The following CLVS2 variants were observed in gnomAD, a reference collection of about 807,000 sequenced individuals.
CLVS2 encodes the protein clavesin-2.
CLVS2 carries 19 observed loss-of-function variants against 29.0 expected under a neutral mutation model. The ratio of observed to expected loss-of-function variants is 0.66; its 90% CI spans 0.46 to 0.96. The LOEUF (loss-of-function observed/expected upper bound fraction) is 0.96. CLVS2 is among the 40% of genes least tolerant of loss of function. The pLI is 0.00. For synonymous variants in CLVS2, 161 were observed against 151.3 expected (o/e 1.06, Z -0.47); for missense variants, 294 against 404.1 (o/e 0.73, Z 2.34).
chr6:122,999,184 C>T (rs1232152303), intron 2 of CLVS2, among the ~76,000 whole-genome samples: 2 of 152,174 alleles, frequency 1.3e-5, no homozygotes, highest in African/African-American at 2.4e-5. Flanking sequence ...TGAATGGTGA[C>T]TTTCAATGCA....
Position 123,056,665 on chromosome 6 carries a change from G to A in CLVS2, c.896+639G>A, listed in dbSNP as rs184146933. Among the ~76,000 whole-genome samples, 396 of 152,212 alleles carry A rather than the reference G, an allele frequency of 2.6e-3. 1 individual carries two copies. Among genetic ancestry groups the A allele is most frequent in the African/African-American group, 8.7e-3 (363 of 41,510 alleles). ...CCTGAGAAACCAAAGGTTTTGAGGG[G>A]GTGCCTTAGGCCAAGTAGGTGGAGT... On this transcript the variant is annotated intron_variant, in intron 5 of 5. Coordinates refer to ENST00000275162, the MANE Select transcript of CLVS2 (RefSeq NM_001010852.4).
chr6:123,055,286 A>G (rs1384457993), intron 4 of CLVS2, among the ~76,000 whole-genome samples: 1 of 147,376 alleles, frequency 6.8e-6, no homozygotes, highest in Non-Finnish European at 1.5e-5. Context: ...ACTTTGCATT[A>G]TAAAACAGTA....
At chr6:123,052,140 G>T (rs1772619561) in intron 4 of CLVS2, among the ~76,000 whole-genome samples, 1 of 152,186 alleles carries the variant, frequency 6.6e-6, no homozygotes, top group South Asian at 2.1e-4. Context: ...TGATATATTA[G>T]AAGTTGGGAG....
chr6:122,998,209 A>G, intron 2 of CLVS2, 43 bp downstream of exon 2: 1 of 1,561,462 alleles, frequency 6.4e-7, no homozygotes, highest in Non-Finnish European at 8.6e-7. Flanking sequence ...TTACTCTCCC[A>G]TTTTCCAGAA....
In CLVS2 at chr6:123,064,068, G is replaced by C; in HGVS notation, c.*307G>C. 1 of 239,096 alleles carries C rather than the reference G, an allele frequency of 4.2e-6. No individual in the cohort carries two copies. Among genetic ancestry groups the C allele is most frequent in the African/African-American group, 2.3e-5 (1 of 44,056 alleles). 14.8% of individuals were successfully genotyped at this position (239,096 alleles called of 1,614,324 possible). On this transcript the variant is annotated 3_prime_UTR_variant, in exon 6 of 6. Coordinates refer to ENST00000275162, the MANE Select transcript of CLVS2 (RefSeq NM_001010852.4). The stretch of plus-strand genomic sequence containing the variant: ...AAGGTTGGCTCAAAAGTCCATGCCA[G>C]TGTTATGAACTATAACAAAAAGCAG...
chr6:123,006,955 GAAAAGTGGAAGGAAA>G (rs1774678029), intron 2 of CLVS2, among the ~76,000 whole-genome samples: 1 of 152,120 alleles, frequency 6.6e-6, no homozygotes, highest in Non-Finnish European at 1.5e-5. Flanking sequence ...AGACTGACCA[GAAAAGTGGAAGGAAA>G]AAAAGTTCAA....
At chr6:123,030,913 A>T (rs568927708) in intron 3 of CLVS2, among the ~76,000 whole-genome samples, 9 of 150,594 alleles carry the variant, frequency 6.0e-5, no homozygotes, top group African/African-American at 2.2e-4. Context: ...ATTCTCAAAT[A>T]TGTATCTCAT....
intron 4 of CLVS2, among the ~76,000 whole-genome samples, chr6:123,050,182 T>A (rs1359474577): frequency 1.3e-5 from 2 of 152,192 alleles, no homozygotes; most frequent in Non-Finnish European, 2.9e-5. Flanking sequence ...AAGTATTAAA[T>A]TAATTCATAT....
intron 3 of CLVS2, among the ~76,000 whole-genome samples, chr6:123,031,794 C>T (rs1376325826): frequency 6.6e-6 from 1 of 150,910 alleles, no homozygotes; most frequent in African/African-American, 2.4e-5. Context: ...ACCAGTAGTA[C>T]CTTTTTTTTT....
intron 3 of CLVS2, among the ~76,000 whole-genome samples, chr6:123,031,995 T>A (rs988956945): frequency 6.6e-6 from 1 of 152,122 alleles, no homozygotes; most frequent in Non-Finnish European, 1.5e-5. Context: ...TAACACTTTT[T>A]TGGGCAATTA....
intron 3 of CLVS2, among the ~76,000 whole-genome samples, chr6:123,015,022 A>G (rs1774805253): frequency 1.2e-5 from 1 of 82,420 alleles, no homozygotes; most frequent in Non-Finnish European, 2.3e-5. Context: ...CTTGGCTTTG[A>G]AAGTTGAGTG....
intron 2 of CLVS2, among the ~76,000 whole-genome samples, chr6:123,009,058 A>G (rs1193585365): frequency 6.6e-6 from 1 of 152,068 alleles, no homozygotes. Context: ...CATTCTAACA[A>G]AAAGTATGCT....
intron 3 of CLVS2, among the ~76,000 whole-genome samples, chr6:123,021,054 G>GC (rs200694993): frequency 6.6e-6 from 1 of 150,474 alleles, no homozygotes; most frequent in Non-Finnish European, 1.5e-5. Context: ...AAGAGTATGG[G>GC]GGGGGTAAAA....
chr6:123,022,939 A>G (rs1774945156), intron 3 of CLVS2, among the ~76,000 whole-genome samples: 1 of 152,086 alleles, frequency 6.6e-6, no homozygotes, highest in Non-Finnish European at 1.5e-5. Flanking sequence ...TGGTGTCTTA[A>G]CATAAGGTGG....
At chr6:123,029,737 A>C (rs984215218) in intron 3 of CLVS2, among the ~76,000 whole-genome samples, 1 of 152,208 alleles carries the variant, frequency 6.6e-6, no homozygotes, top group African/African-American at 2.4e-5. Flanking sequence ...TAAATCTAGC[A>C]TCCCTATGAT....
chr6:123,047,359 A>C (rs910080497), intron 3 of CLVS2, among the ~76,000 whole-genome samples: 3 of 152,098 alleles, frequency 2.0e-5, no homozygotes, highest in Non-Finnish European at 4.4e-5. Flanking sequence ...ATATTTACAA[A>C]AGAAGTAAGA....
At chr6:123,004,769 C>T (rs1774639646) in intron 2 of CLVS2, among the ~76,000 whole-genome samples, 1 of 151,984 alleles carries the variant, frequency 6.6e-6, no homozygotes, top group Non-Finnish European at 1.5e-5. Flanking sequence ...AAAAATTAGC[C>T]AGGCCTGGTG....
At chr6:123,016,790 A>G (rs1022772675) in intron 3 of CLVS2, among the ~76,000 whole-genome samples, 1 of 152,066 alleles carries the variant, frequency 6.6e-6, no homozygotes, top group Admixed American at 6.6e-5. Flanking sequence ...TGGTCCTTTC[A>G]TTTGACTCAA....
At chr6:123,001,178 G>A (rs1416101405) in intron 2 of CLVS2, among the ~76,000 whole-genome samples, 1 of 152,138 alleles carries the variant, frequency 6.6e-6, no homozygotes, top group Non-Finnish European at 1.5e-5. Flanking sequence ...AAATTTGTAG[G>A]ACAGTTTTCT....
Sources: allele counts gnomAD v4.1 joint callset (sites outside exome capture counted in the v4.1 genomes callset), GRCh38; gene constraint gnomAD v4.1.1; transcripts MANE v1.5; gene names NCBI Gene and HGNC (gene_info 2026-07-23, HGNC 2026-07-21).